Variants in TENM3 observed in about 807,000 individuals in gnomAD.
TENM3 encodes the protein teneurin-3.
A neutral mutation model predicts 255.1 loss-of-function variants in TENM3; 63 were observed. The observed-to-expected ratio is 0.25, with a 90% CI of 0.20 to 0.30. TENM3 has a LOEUF of 0.30. Among genes scored for constraint, TENM3 ranks in the 10% least tolerant of loss-of-function variants. The pLI is 1.00. For synonymous variants in TENM3, 1,306 were observed against 1,322.3 expected (o/e 0.99, Z 0.27); for missense variants, 2,929 against 3,461.1 (o/e 0.85, Z 3.86).
the TENM3 span, among the ~76,000 whole-genome samples, chr4:181,811,219 C>A: frequency 6.6e-6 from 1 of 152,148 alleles, no homozygotes; most frequent in African/African-American, 2.4e-5. Context: ...TATTTTTCTA[C>A]CCTAAGAATT....
intron 3 of TENM3, among the ~76,000 whole-genome samples, chr4:182,591,681 T>C (rs1468467702): frequency 2.6e-5 from 4 of 152,210 alleles, no homozygotes; most frequent in Non-Finnish European, 5.9e-5. Flanking sequence ...AAACTCACTT[T>C]GAAACACTGG....
chr4:181,810,836 G>A, the TENM3 span, among the ~76,000 whole-genome samples: 4 of 152,128 alleles, frequency 2.6e-5, no homozygotes, highest in Non-Finnish European at 5.9e-5. Flanking sequence ...GGCTGTTCAG[G>A]GAGCGGCAAG....
rs1274505565 is a variant in TENM3, at chr4:182,561,301, A to G, written c.512-39623A>G. Among the ~76,000 whole-genome samples the G allele has an allele frequency of 3.9e-5, 6 of 151,912 alleles. No homozygotes were observed. The East Asian group carries it at 1.2e-3, about 29-fold the overall frequency. On this transcript the variant is annotated intron_variant, in intron 3 of 27. Transcript: ENST00000511685. ...AAATATGTAAATAAAAATGATTTTA[A>G]AAATTAACTGATAATAGCTCTTTAC... is the stretch of plus-strand genomic sequence containing the variant.
At chr4:181,681,106 G>A in the TENM3 span, among the ~76,000 whole-genome samples, 49 of 151,980 alleles carry the variant, frequency 3.2e-4, 1 homozygote, top group Admixed American at 4.6e-4. Flanking sequence ...TAAGGTAAGC[G>A]TATTTCTGTT....
At chr4:182,702,639 AC>A (rs1464546087) in intron 12 of TENM3, among the ~76,000 whole-genome samples, 2 of 152,184 alleles carry the variant, frequency 1.3e-5, no homozygotes, top group Non-Finnish European at 2.9e-5. Flanking sequence ...CACTGAAGAA[AC>A]TGAGGCTCCA....
At chr4:182,763,090 A>AGAG (rs1763346749) in intron 22 of TENM3, among the ~76,000 whole-genome samples, 2 of 152,246 alleles carry the variant, frequency 1.3e-5, no homozygotes, top group African/African-American at 4.8e-5. Context: ...GTGTATTTTA[A>AGAG]GAGTGTAGGT....
At chr4:182,536,221 G>T (rs897032519) in intron 3 of TENM3, among the ~76,000 whole-genome samples, 2 of 152,112 alleles carry the variant, frequency 1.3e-5, no homozygotes, top group Middle Eastern at 3.2e-3. Flanking sequence ...CAATTATGTT[G>T]GGGCAACCAG....
intron 2 of TENM3, among the ~76,000 whole-genome samples, chr4:182,342,311 ATGGAGTAC>A: frequency 6.6e-6 from 1 of 152,372 alleles, no homozygotes; most frequent in East Asian, 1.9e-4. Flanking sequence ...ATAAACAGGA[ATGGAGTAC>A]TGATGCATGC....
chr4:181,821,943 C>T, the TENM3 span, among the ~76,000 whole-genome samples: 6 of 152,070 alleles, frequency 3.9e-5, no homozygotes, highest in Admixed American at 1.3e-4. Context: ...TGTTTTGGGT[C>T]GAAATGATTT....
chr4:182,752,708 GA>G (rs762789962), intron 20 of TENM3, among the ~76,000 whole-genome samples: 3 of 152,092 alleles, frequency 2.0e-5, no homozygotes, highest in Admixed American at 6.5e-5. Flanking sequence ...ATTCATAATA[GA>G]AAATTTCATT....
intron 3 of TENM3, among the ~76,000 whole-genome samples, chr4:182,479,391 T>G (rs999027247): frequency 6.6e-6 from 1 of 151,848 alleles, no homozygotes; most frequent in Non-Finnish European, 1.5e-5. Flanking sequence ...ATTCATGAAT[T>G]TGACGATTAT....
the TENM3 span, among the ~76,000 whole-genome samples, chr4:181,502,339 G>C: frequency 4.0e-4 from 61 of 152,260 alleles, 1 homozygote; most frequent in Admixed American, 2.6e-4. Flanking sequence ...GATGCTGATG[G>C]CTGGGGATGC....
chr4:182,135,841 A>T, the TENM3 span, among the ~76,000 whole-genome samples: 2 of 152,220 alleles, frequency 1.3e-5, no homozygotes, highest in African/African-American at 4.8e-5. Context: ...CTTAGTTGAT[A>T]GTTCACAGAC....
At chr4:181,571,324 A>ATTATT in the TENM3 span, among the ~76,000 whole-genome samples, 1 of 152,060 alleles carries the variant, frequency 6.6e-6, no homozygotes, top group Non-Finnish European at 1.5e-5. Flanking sequence ...GATTGTTTTA[A>ATTATT]TTATTTTATT....
rs1485802895 is a variant in TENM3, at chr4:182,208,571, G to A, written c.-76+63817G>A. Among the ~76,000 whole-genome samples the A allele has an allele frequency of 1.7e-4, 26 of 152,210 alleles. 1 individual carries two copies. Among genetic ancestry groups the A allele is most frequent in the Admixed American group, 1.7e-3 (26 of 15,282 alleles). ...ATACAGGTCTACTAATGAGAAGAAT[G>A]GATTGTTGTGGGGGAGAGTTGACAT... is the stretch of plus-strand genomic sequence containing the variant. On this transcript the variant is annotated intron_variant, in intron 1 of 2. Transcript: ENST00000512480.
intron 22 of TENM3, among the ~76,000 whole-genome samples, chr4:182,757,635 T>C (rs990163146): frequency 1.3e-5 from 2 of 152,146 alleles, no homozygotes. Context: ...CCAATTTGGA[T>C]TTTTTACCTT....
intron 2 of TENM3, among the ~76,000 whole-genome samples, chr4:182,328,122 G>T (rs147858544): frequency 6.6e-6 from 1 of 152,204 alleles, no homozygotes; most frequent in African/African-American, 2.4e-5. Context: ...AATAATCAGT[G>T]TTGGGGTTGT....
Position 182,274,783 on chromosome 4 carries a change from T to C in TENM3, c.-76+31307T>C, listed in dbSNP as rs149098981. 2.1e-3 allele frequency among the ~76,000 whole-genome samples: 325 copies of C among 152,288 alleles called. 1 individual carries two copies. The highest frequency in any genetic ancestry group is 3.5e-3 in the Non-Finnish European group (240 of 68,026). ...TGAGATTAAATGGCTATTTCTGAGTTTAAGTCCAGTGGTCTCTAATTTATT... is the reference window on the plus strand; with the variant it reads ...TGAGATTAAATGGCTATTTCTGAGTCTAAGTCCAGTGGTCTCTAATTTATT... On this transcript the variant is annotated intron_variant, in intron 1 of 27. Coordinates refer to ENST00000511685, the MANE Select transcript of TENM3 (RefSeq NM_001080477.4).
chr4:182,788,616 A>T (rs1278645806), intron 24 of TENM3, among the ~76,000 whole-genome samples: 2 of 152,352 alleles, frequency 1.3e-5, no homozygotes, highest in East Asian at 3.9e-4. Context: ...ATTGAAACTC[A>T]TTAATAATTT....
Sources: allele counts gnomAD v4.1 joint callset (sites outside exome capture counted in the v4.1 genomes callset), GRCh38; gene constraint gnomAD v4.1.1; transcripts MANE v1.5; gene names NCBI Gene and HGNC (gene_info 2026-07-23, HGNC 2026-07-21).